Variants in STK33 observed in about 807,000 individuals in gnomAD.
STK33 encodes serine/threonine-protein kinase 33.
In STK33, 52 loss-of-function variants were observed where a neutral mutation model predicts 58.0. The ratio of observed to expected loss-of-function variants is 0.90; its 90% CI spans 0.72 to 1.13. The LOEUF (loss-of-function observed/expected upper bound fraction) is 1.13, where lower values mean the gene tolerates loss of function less well. Ranked by LOEUF, STK33 falls within the 50% of genes most tolerant of loss-of-function variation. The probability of loss-of-function intolerance (pLI) is 0.00; values close to 1 mark genes in which losing one functional copy is unlikely to be tolerated. For missense variants in STK33, 630 were observed against 604.2 expected (o/e 1.04, Z -0.45); for synonymous variants, 215 against 200.1 (o/e 1.07, Z -0.63).
At chr11:8,470,380 T>C (rs975672876) in intron 6 of STK33, among the ~76,000 whole-genome samples, 1 of 152,214 alleles carries the variant, frequency 6.6e-6, no homozygotes, top group African/African-American at 2.4e-5. Context: ...AAACAGGGCC[T>C]TGCTCTGGAT....
At chr11:8,405,823 G>A (rs1383615887) in intron 15 of STK33, among the ~76,000 whole-genome samples, 1 of 151,960 alleles carries the variant, frequency 6.6e-6, no homozygotes, top group Non-Finnish European at 1.5e-5. Flanking sequence ...TTACCCCTTC[G>A]AATTGCTTTG....
intron 2 of STK33, among the ~76,000 whole-genome samples, chr11:8,478,947 T>C (rs1418234796): frequency 6.6e-6 from 1 of 152,230 alleles, no homozygotes; most frequent in African/African-American, 2.4e-5. Context: ...TATTGTCTTA[T>C]AAAAGGATTT....
intron 1 of STK33, among the ~76,000 whole-genome samples, chr11:8,571,392 T>G (rs1473435736): frequency 6.6e-6 from 1 of 152,150 alleles, no homozygotes; most frequent in Non-Finnish European, 1.5e-5. Flanking sequence ...AAATTCAAGT[T>G]TACTAGGGAT....
At chr11:8,473,400 T>C in intron 5 of STK33, 124 bp from the exon 6 acceptor site, 1 of 627,470 alleles carries the variant, frequency 1.6e-6, no homozygotes, top group East Asian at 2.7e-5. Flanking sequence ...ATGCACAAGA[T>C]TGTTTACTGT....
chr11:8,487,515 G>A (rs1014158829), intron 1 of STK33, among the ~76,000 whole-genome samples: 1 of 151,490 alleles, frequency 6.6e-6, no homozygotes, highest in African/African-American at 2.4e-5. Flanking sequence ...AGATCATCCA[G>A]GAAGGATATG....
chr11:8,423,187 GT>G (rs142442379), intron 14 of STK33, among the ~76,000 whole-genome samples: 9 of 147,288 alleles, frequency 6.1e-5, no homozygotes, highest in South Asian at 2.2e-4. Context: ...TATTTATTTT[GT>G]TTTTTTTTCA....
rs2033066056 is a variant in STK33, at chr11:8,594,202, G to A, written c.-585C>T. On this transcript the variant is annotated 5_prime_UTR_variant, in exon 1 of 16. Transcript: ENST00000687296. ...CCCGCAGAGCAACCGCAGGGCAGTG[G>A]ACGGGGGCCGCGCGAGGACAAACAG... 6.6e-6 allele frequency: 1 copy of A among 152,358 alleles called. No individual in the cohort carries two copies. Among genetic ancestry groups the A allele is most frequent in the South Asian group, 2.1e-4 (1 of 4,838 alleles). 9.4% of individuals were successfully genotyped at this position (152,358 alleles called of 1,614,324 possible). A position where few individuals can be genotyped will look rare whatever the true frequency, so the allele number is the denominator to read the frequency against.
At chr11:8,540,354 G>A (rs1013843507) in intron 1 of STK33, among the ~76,000 whole-genome samples, 4 of 151,924 alleles carry the variant, frequency 2.6e-5, no homozygotes, top group Non-Finnish European at 4.4e-5. Context: ...GTATGGCGGG[G>A]TGTACTTGTA....
At chr11:8,468,053 C>A (rs1948396017) in intron 6 of STK33, among the ~76,000 whole-genome samples, 1 of 152,096 alleles carries the variant, frequency 6.6e-6, no homozygotes, top group Non-Finnish European at 1.5e-5. Context: ...TAAAGACATA[C>A]CCGAGACTGG....
chr11:8,523,061 C>T (rs1418957855), intron 1 of STK33, among the ~76,000 whole-genome samples: 1 of 152,224 alleles, frequency 6.6e-6, no homozygotes, highest in Non-Finnish European at 1.5e-5. Flanking sequence ...CCTGAGCTGC[C>T]GGGATTGCAG....
intron 8 of STK33, 72 bp from the exon 9 acceptor site, chr11:8,457,551 CAT>C: frequency 8.1e-7 from 1 of 1,230,020 alleles, no homozygotes. Flanking sequence ...TTATATATCA[CAT>C]ATACAATCAC....
At chr11:8,358,889 A>C in the STK33 span, among the ~76,000 whole-genome samples, 1 of 152,242 alleles carries the variant, frequency 6.6e-6, no homozygotes, top group African/African-American at 2.4e-5. Flanking sequence ...CAGTGGAGAG[A>C]AGGCTGGCAG....
At chr11:8,585,708 A>T (rs2031458174) in intron 1 of STK33, among the ~76,000 whole-genome samples, 1 of 151,512 alleles carries the variant, frequency 6.6e-6, no homozygotes, top group Non-Finnish European at 1.5e-5. Flanking sequence ...CCAGGAGTTC[A>T]AGACCAGCCT....
At chr11:8,338,262 C>A in the STK33 span, among the ~76,000 whole-genome samples, 11 of 152,314 alleles carry the variant, frequency 7.2e-5, no homozygotes, top group South Asian at 2.1e-3. Flanking sequence ...ACAGGATGCC[C>A]AGCCCCGATC....
intron 1 of STK33, among the ~76,000 whole-genome samples, chr11:8,526,409 T>C (rs545072370): frequency 4.4e-4 from 67 of 151,840 alleles, no homozygotes; most frequent in Admixed American, 7.9e-4. Flanking sequence ...AAAAAGAAAG[T>C]TATTTGGTAC....
chr11:8,469,469 T>C (rs1948564545), intron 6 of STK33, among the ~76,000 whole-genome samples: 2 of 152,228 alleles, frequency 1.3e-5, no homozygotes, highest in South Asian at 4.1e-4. Context: ...ATATCTATAG[T>C]TACTTTATCC....
chr11:8,400,947 C>T (rs1372910871), intron 15 of STK33, among the ~76,000 whole-genome samples: 5 of 152,024 alleles, frequency 3.3e-5, no homozygotes, highest in Admixed American at 6.5e-5. Context: ...AACTACAAAC[C>T]ACTGCTCAAT....
chr11:8,592,371 G>A (rs1180016003), intron 1 of STK33, among the ~76,000 whole-genome samples: 1 of 152,146 alleles, frequency 6.6e-6, no homozygotes, highest in Non-Finnish European at 1.5e-5. Context: ...CTAACAATAA[G>A]ATTTCACTTA....
rs780057565 is a variant in STK33, at chr11:8,473,192, T to C, written c.310A>G (p.Ile104Val). Residue 104 changes from isoleucine (I) to valine (V), a missense_variant, in exon 6 of 16, where the codon ATA becomes GTA. Physicochemically the swap from Ile to Val is conservative, Grantham distance 29 (BLOSUM62 3). Coordinates refer to ENST00000687296, the MANE Select transcript of STK33 (RefSeq NM_001352389.2). ...GNFTEGKVPHIRIENGAAIEE... is the reference protein window; with the variant it reads ...GNFTEGKVPHVRIENGAAIEE... ...ATAGCAGCTCCATTCTCAATCCTTA[T>C]GTGAGGAACTTTTCCTTCTGTAAAG... 12 of 1,613,516 alleles carry C rather than the reference T, an allele frequency of 7.4e-6. No homozygotes were observed. The Admixed American group carries it at 1.2e-4, about 16-fold the overall frequency.
Sources: allele counts gnomAD v4.1 joint callset (sites outside exome capture counted in the v4.1 genomes callset), GRCh38; gene constraint gnomAD v4.1.1; transcripts MANE v1.5; gene names NCBI Gene and HGNC (gene_info 2026-07-23, HGNC 2026-07-21).